The following RWDD3 variants were observed in gnomAD, a reference collection of about 807,000 sequenced individuals.
RWDD3 encodes RWD domain-containing protein 3.
A neutral mutation model predicts 26.5 loss-of-function variants in RWDD3; 30 were observed. The ratio of observed to expected loss-of-function variants is 1.13; its 90% confidence interval spans 0.85 to 1.54. RWDD3 has a LOEUF of 1.54. Among genes scored for constraint, RWDD3 ranks in the 40% most tolerant of loss-of-function variants. RWDD3 has a pLI of 0.00. For missense variants in RWDD3, 296 were observed against 309.1 expected (o/e 0.96, Z 0.32); for synonymous variants, 113 against 114.5 (o/e 0.99, Z 0.09).
chr1:95,246,671 C>G lies in RWDD3; in HGVS notation c.689+14C>G. 1 of 1,562,748 alleles carries G rather than the reference C, an allele frequency of 6.4e-7. No individual in the cohort carries two copies. The highest frequency in any genetic ancestry group is 8.8e-7 in the Non-Finnish European group (1 of 1,141,396). ...AGAACACAAAAGGTATAATTTAGTA[C>G]TATTGCAGATGGAAAAGCAACTGAA... On this transcript the variant is annotated intron_variant, in intron 3 of 3. Transcript: ENST00000370202.
chr1:95,238,670 A>G (rs1029553468), intron 1 of RWDD3, among the ~76,000 whole-genome samples: 2 of 151,746 alleles, frequency 1.3e-5, no homozygotes, highest in Admixed American at 6.6e-5. Flanking sequence ...TATGTAAACA[A>G]TTTCTTAATG....
At chr1:95,237,848 A>G (rs532404117) in intron 1 of RWDD3, among the ~76,000 whole-genome samples, 1 of 152,338 alleles carries the variant, frequency 6.6e-6, no homozygotes, top group African/African-American at 2.4e-5. Context: ...CTCCAGGTGT[A>G]TGGGCCTTTG....
At chr1:95,246,689 C>T in intron 3 of RWDD3, 32 bp downstream of exon 3, 1 of 1,545,708 alleles carries the variant, frequency 6.5e-7, no homozygotes, top group East Asian at 2.3e-5. Flanking sequence ...GATGGAAAAG[C>T]AACTGAATCG....
rs1472203273 is a variant in RWDD3 at position 95,244,456 on chromosome 1, C to T, written c.331C>T (p.Leu111Phe). The change falls in exon 2 of 4, where the codon CTC (leucine) becomes TTC (phenylalanine). Residue 111 changes from leucine to phenylalanine, a missense_variant. Leu to Phe is a conservative substitution (Grantham distance 22). Transcript: ENST00000370202. ...GCTGGTTCTCTGGATTCAGCAGAAT[C>T]TCAGGCATATCCTCAGCCAACCAGA... ...HELVLWIQQN[L>F]RHILSQPETG... The T allele has an allele frequency of 5.0e-6, 8 of 1,614,098 alleles. No individual in the cohort carries two copies. The highest frequency in any genetic ancestry group is 6.8e-6 in the Non-Finnish European group (8 of 1,180,054).
chr1:95,244,704 A>C lies in RWDD3; in HGVS notation c.573+6A>C. The C allele has an allele frequency of 6.2e-7, 1 of 1,609,844 alleles. No homozygotes were observed. The highest frequency in any genetic ancestry group is 8.5e-7 in the Non-Finnish European group (1 of 1,178,196). ...GAGACAGAAACAACCTCAAGGTGCC[A>C]AAAAGTTAAATGTTGAGTATGAATC... On this transcript the variant is annotated splice_donor_region_variant and intron_variant, in intron 2 of 3. Coordinates refer to ENST00000370202, the MANE Select transcript of RWDD3 (RefSeq NM_015485.5).
intron 1 of RWDD3, among the ~76,000 whole-genome samples, chr1:95,238,924 G>A (rs1004530793): frequency 1.9e-4 from 29 of 152,144 alleles, no homozygotes; most frequent in Non-Finnish European, 3.1e-4. Flanking sequence ...GAAGCATAAG[G>A]TTTGAAACCT....
chr1:95,235,351 C>CTTTTT (rs1166711835), intron 1 of RWDD3, among the ~76,000 whole-genome samples: 2,162 of 41,386 alleles, frequency 0.052, 417 homozygotes, highest in East Asian at 0.064. Flanking sequence ...TGCGCCCGGC[C>CTTTTT]TTTTTTTTTT....
At chr1:95,244,809 G>C (rs768268704) in intron 2 of RWDD3, 111 bp downstream of exon 2, 33 of 1,228,730 alleles carry the variant, frequency 2.7e-5, no homozygotes, top group Non-Finnish European at 3.7e-5. Flanking sequence ...AGATGTTTCT[G>C]CTTTCATTAT....
At position 95,236,332 on chromosome 1, in the gene RWDD3, G is replaced by GAAA. The variant is rs34943862; in HGVS notation, c.85+2030_85+2032dup. Among the ~76,000 whole-genome samples, 567 of 142,052 alleles carry GAAA rather than the reference G, an allele frequency of 4.0e-3. 4 individuals carry two copies. Among genetic ancestry groups the GAAA allele is most frequent in the Non-Finnish European group, 5.9e-3 (388 of 65,776 alleles). 93.2% of individuals were successfully genotyped at this position (142,052 alleles called of 152,430 possible). On this transcript the variant is annotated intron_variant, in intron 1 of 3. Transcript: ENST00000370202. ...GTAACAAGAGTGAAACTCTGTCTCAGAAAAAAAAAAAAAAAGTAGTCTAAA... is the reference window on the plus strand; with the variant it reads ...GTAACAAGAGTGAAACTCTGTCTCAGAAAAAAAAAAAAAAAAAAGTAGTCTAAA...
At chr1:95,244,139 A>G in intron 1 of RWDD3, 72 bp from the exon 2 acceptor site, 3 of 1,531,572 alleles carry the variant, frequency 2.0e-6, no homozygotes, top group Non-Finnish European at 1.8e-6. Context: ...TTGAGACAAA[A>G]GTTTGAACTT....
In RWDD3 at chr1:95,234,245, G is replaced by C. The variant is rs371542919; in HGVS notation, c.15G>C (p.Val5=). 3 of 1,593,302 alleles carry C rather than the reference G, an allele frequency of 1.9e-6. No individual in the cohort carries two copies. The Admixed American group carries it at 5.2e-5, about 28-fold the overall frequency. MAEP[V]QEELSVLAAI... ...GGCCCACAGCCATGGCGGAGCCTGT[G>C]CAGGAGGAGCTCTCGGTCCTGGCCG... The change falls in exon 1 of 4, where the codon GTG becomes GTC. Residue 5 remains valine, a synonymous_variant. Transcript: ENST00000370202.
chr1:95,242,492 A>G (rs1016268213), intron 1 of RWDD3, among the ~76,000 whole-genome samples: 1 of 152,248 alleles, frequency 6.6e-6, no homozygotes, highest in Non-Finnish European at 1.5e-5. Context: ...CTAGATGATT[A>G]TTAGAAAGTT....
chr1:95,246,500 T>C, intron 2 of RWDD3, 42 bp from the exon 3 acceptor site: 1 of 1,019,304 alleles, frequency 9.8e-7, no homozygotes, highest in Non-Finnish European at 1.5e-6. Context: ...ACTTTGAGAC[T>C]CAGAGTAAGA....
intron 2 of RWDD3, 54 bp downstream of exon 2, chr1:95,244,752 G>T: frequency 2.5e-6 from 4 of 1,572,662 alleles, no homozygotes; most frequent in Non-Finnish European, 3.4e-6. Flanking sequence ...GCTTTAAATG[G>T]TGTGTCTTTA....
At chr1:95,242,054 A>C (rs892902265) in intron 1 of RWDD3, among the ~76,000 whole-genome samples, 5 of 151,528 alleles carry the variant, frequency 3.3e-5, no homozygotes, top group South Asian at 2.1e-4. Context: ...ATGCACCACC[A>C]CCCCCCAGCC....
At chr1:95,244,110 A>G in intron 1 of RWDD3, 101 bp from the exon 2 acceptor site, 1 of 1,504,224 alleles carries the variant, frequency 6.6e-7, no homozygotes, top group South Asian at 1.3e-5. Context: ...GAGTTTTCTC[A>G]TGAAAAATAA....
intron 1 of RWDD3, chr1:95,240,018 A>G (rs771881385): frequency 1.6e-5 from 16 of 1,006,026 alleles, no homozygotes; most frequent in Non-Finnish European, 2.1e-5. Flanking sequence ...GTGCGGATAC[A>G]TTGCCTTCTT....
Position 95,234,325 on chromosome 1 carries a change from C to T in RWDD3, c.85+10C>T. 1.9e-6 allele frequency: 3 copies of T among 1,583,814 alleles called. No homozygotes were observed. Among genetic ancestry groups the T allele is most frequent in the South Asian group, 1.2e-5 (1 of 86,700 alleles). ...GTGCTGAGCCGCTCAGGTGACTACC[C>T]GCGCGCGGGAGGGACAGGGCGCCCT... On this transcript the variant is annotated intron_variant, in intron 1 of 3. Coordinates refer to ENST00000370202, the MANE Select transcript of RWDD3 (RefSeq NM_015485.5).
rs145819816 is a variant in RWDD3, at chr1:95,237,808, GATACTC to G, written c.85+3495_85+3500del. Among the ~76,000 whole-genome samples, 1,065 of 152,324 alleles carry G rather than the reference GATACTC, an allele frequency of 7.0e-3. 9 individuals carry two copies. The highest frequency in any genetic ancestry group is 0.025 in the African/African-American group (1,023 of 41,574). Reference sequence around the variant, plus strand: ...GTCTTACTTCACAGAGAAGATAACTGATACTCAGACTGGTTAAATAACCACCAGGCT... The same window carrying G: ...GTCTTACTTCACAGAGAAGATAACTGAGACTGGTTAAATAACCACCAGGCT... On this transcript the variant is annotated intron_variant, in intron 1 of 3. Coordinates refer to ENST00000370202, the MANE Select transcript of RWDD3 (RefSeq NM_015485.5).
Sources: gnomAD v4.1 joint callset for allele counts (sites outside exome capture counted in the v4.1 genomes callset) on GRCh38, gnomAD v4.1.1 for gene constraint, MANE v1.5 for transcripts, NCBI Gene and HGNC (gene_info 2026-07-23, HGNC 2026-07-21) for gene names.